PIWIL2: variants seen among roughly 807,000 people sequenced by gnomAD.
PIWIL2 encodes piwi-like protein 2.
PIWIL2 carries 81 observed loss-of-function variants against 116.5 expected under a neutral mutation model. The observed-to-expected ratio is 0.70, with a 90% CI of 0.58 to 0.84. The LOEUF (loss-of-function observed/expected upper bound fraction) is 0.84. Ranked by LOEUF, PIWIL2 falls within the 40% of genes least tolerant of loss-of-function variation. PIWIL2 has a pLI of 0.00. For synonymous variants in PIWIL2, 489 were observed against 429.5 expected, an observed-to-expected ratio of 1.14 and a Z score of -1.71; for missense variants, 1,272 against 1,212.3, an observed-to-expected ratio of 1.05 and a Z score of -0.73.
chr8:22,342,588 G>A (rs761253117), intron 20 of PIWIL2, among the ~76,000 whole-genome samples: 61 of 152,312 alleles, frequency 4.0e-4, no homozygotes, highest in African/African-American at 7.0e-4. Flanking sequence ...AAAACTCTAT[G>A]CATAGACCAT....
intron 14 of PIWIL2, 138 bp from the exon 15 acceptor site, chr8:22,309,823 T>C (rs1232520911): frequency 9.0e-6 from 5 of 552,652 alleles, no homozygotes; most frequent in South Asian, 5.9e-5. Context: ...AGAAGCTTTA[T>C]TATTCTGCTA....
rs560604300 is a variant in PIWIL2, at chr8:22,283,107, G to T, written c.499G>T (p.Val167Leu). The T allele has an allele frequency of 3.7e-6, 6 of 1,614,152 alleles. No individual in the cohort carries two copies. The South Asian group carries it at 6.6e-5, about 18-fold the overall frequency. ...AGCAGCAGGTGGTATCAGCAGAGAA[G>T]TGGACAAGCCTCCCTGTACCTTCAG... ...GRAAGGISRE[V>L]DKPPCTFSTP... Residue 167 changes from valine (V) to leucine (L), a missense_variant, in exon 5 of 23, where the codon GTG (valine) becomes TTG (leucine). By Grantham distance (32) the Val-to-Leu change is conservative. Coordinates refer to ENST00000356766, the MANE Select transcript of PIWIL2 (RefSeq NM_018068.5).
At chr8:22,277,107 C>T (rs960130665) in intron 1 of PIWIL2, among the ~76,000 whole-genome samples, 3 of 151,902 alleles carry the variant, frequency 2.0e-5, no homozygotes, top group African/African-American at 4.8e-5. Context: ...CTGCAACCTC[C>T]GCCTCCTGGG....
In PIWIL2 at chr8:22,316,377, T is replaced by C. The variant is rs545048173; in HGVS notation, c.2297+44T>C. The C allele has an allele frequency of 3.7e-5, 40 of 1,079,316 alleles. No individual in the cohort carries two copies. In the South Asian group the frequency reaches 4.5e-4, roughly 12 times the overall value. The allele number at this position is 1,079,316 out of a possible 1,614,324, so 66.9% of individuals were successfully genotyped here. ...GCCATCTTGTTTGATTATTTCATTT[T>C]AGTGCCTAATCTTATTATAAATCCA... On this transcript the variant is annotated intron_variant, in intron 19 of 22. Coordinates refer to ENST00000356766, the MANE Select transcript of PIWIL2 (RefSeq NM_018068.5).
At chr8:22,326,190 A>C (rs889464783) in intron 20 of PIWIL2, among the ~76,000 whole-genome samples, 1 of 151,886 alleles carries the variant, frequency 6.6e-6, no homozygotes, top group African/African-American at 2.4e-5. Context: ...TTGGCCATCA[A>C]CATGTCCTGC....
chr8:22,342,838 G>C (rs1832141485), intron 20 of PIWIL2, among the ~76,000 whole-genome samples: 1 of 152,074 alleles, frequency 6.6e-6, no homozygotes, highest in Non-Finnish European at 1.5e-5. Flanking sequence ...TGATTAGGAA[G>C]AAATATTTGC....
At chr8:22,275,569 T>G (rs866452239) in intron 1 of PIWIL2, 171 bp downstream of exon 1, 73 of 152,436 alleles carry the variant, frequency 4.8e-4, no homozygotes, top group African/African-American at 1.7e-3. Context: ...AAGTCGTTAT[T>G]CGAGGCCCGG....
intron 20 of PIWIL2, among the ~76,000 whole-genome samples, chr8:22,325,785 T>C (rs1831711601): frequency 6.6e-6 from 1 of 151,862 alleles, no homozygotes; most frequent in Non-Finnish European, 1.5e-5. Context: ...CGCCCAGCCT[T>C]GTTTTAGTCC....
chr8:22,324,472 C>A (rs1223078796), intron 20 of PIWIL2, among the ~76,000 whole-genome samples: 1 of 152,200 alleles, frequency 6.6e-6, no homozygotes, highest in East Asian at 1.9e-4. Context: ...TCATATAGAG[C>A]AGTGTTACAC....
In PIWIL2 at chr8:22,332,762, A is replaced by G. The variant is rs368727993; in HGVS notation, c.2403+14487A>G. 2.6e-5 allele frequency among the ~76,000 whole-genome samples: 4 copies of G among 152,264 alleles called. No homozygotes were observed. The South Asian group carries it at 8.3e-4, about 32-fold the overall frequency. On this transcript the variant is annotated intron_variant, in intron 20 of 22. Transcript: ENST00000356766. ...CACTGAAAATAACTTTCACTAGTGA[A>G]GGTGAAAAAAGACATTGCATGGCAA... is the stretch of plus-strand genomic sequence containing the variant.
chr8:22,323,895 A>AG (rs1831664829), intron 20 of PIWIL2, among the ~76,000 whole-genome samples: 1 of 152,024 alleles, frequency 6.6e-6, no homozygotes, highest in African/African-American at 2.4e-5. Flanking sequence ...TTACCCCTTT[A>AG]GGCATCCCAT....
chr8:22,326,211 TAA>T (rs879742594), intron 20 of PIWIL2, among the ~76,000 whole-genome samples: 4 of 145,178 alleles, frequency 2.8e-5, no homozygotes, highest in Non-Finnish European at 3.0e-5. Context: ...TTGCTTGCTT[TAA>T]AAAAAAAAAA....
intron 20 of PIWIL2, among the ~76,000 whole-genome samples, chr8:22,323,694 A>G (rs1412805785): frequency 6.6e-6 from 1 of 152,240 alleles, no homozygotes; most frequent in East Asian, 1.9e-4. Flanking sequence ...ACAATAGTAG[A>G]TATAACCTGA....
At chr8:22,341,595 C>CAAA (rs34495366) in intron 20 of PIWIL2, among the ~76,000 whole-genome samples, 11 of 99,430 alleles carry the variant, frequency 1.1e-4, no homozygotes, top group African/African-American at 1.5e-4. Context: ...AACTCCGTCT[C>CAAA]AAAAAAAAAA....
intron 20 of PIWIL2, among the ~76,000 whole-genome samples, chr8:22,338,535 G>A (rs191867666): frequency 6.6e-5 from 10 of 151,670 alleles, no homozygotes; most frequent in African/African-American, 2.2e-4. Flanking sequence ...TACTAAAAAC[G>A]CAAAAGAACA....
intron 20 of PIWIL2, among the ~76,000 whole-genome samples, chr8:22,329,021 TC>T (rs1236361638): frequency 2.0e-5 from 3 of 152,230 alleles, no homozygotes; most frequent in Non-Finnish European, 4.4e-5. Context: ...AGTGCTAAAA[TC>T]AGGCATCTTT....
chr8:22,275,351 CCT>C lies in PIWIL2; in HGVS notation c.-93_-92del, dbSNP rs34010761. The C allele has an allele frequency of 0.29, 44,160 of 152,504 alleles. 8,083 individuals are homozygous for C. The highest frequency in any genetic ancestry group is 0.55 in the East Asian group (2,831 of 5,160). The allele number at this position is 152,504 out of a possible 1,614,324, so 9.4% of individuals were successfully genotyped here. A position where few individuals can be genotyped will look rare whatever the true frequency, so the allele number is the denominator to read the frequency against. On this transcript the variant is annotated 5_prime_UTR_variant, in exon 1 of 23. Coordinates refer to ENST00000356766, the MANE Select transcript of PIWIL2 (RefSeq NM_018068.5). ...GGGCGTGGGTTGAGCTCGGTCTTCC[CCT>C]GAGGCCGCGCGGAGCTGGGCGACTG...
rs776364768 is a variant in PIWIL2 at position 22,288,580 on chromosome 8, T to C, written c.900T>C (p.Ala300=). ...AAAGTCAAAGGAAAACAGACAGTGC[T>C]GAAATCAGCATTAAGATTCAGATGA... ...ELKSQRKTDS[A]EISIKIQMTK... Residue 300 remains alanine, a synonymous_variant, in exon 8 of 23, where the codon GCT becomes GCC. Transcript: ENST00000356766. 1.4e-5 allele frequency: 23 copies of C among 1,612,652 alleles called. No homozygotes were observed. The highest frequency in any genetic ancestry group is 2.2e-5 in the East Asian group (1 of 44,890).
chr8:22,304,238 C>A (rs747119854), intron 11 of PIWIL2, 29 bp downstream of exon 11: 1 of 1,529,436 alleles, frequency 6.5e-7, no homozygotes, highest in East Asian at 2.3e-5. Context: ...GTTTGGGCCT[C>A]AGGGTGGGGG....
Sources: gnomAD v4.1 joint callset for allele counts (sites outside exome capture counted in the v4.1 genomes callset) on GRCh38, gnomAD v4.1.1 for gene constraint, MANE v1.5 for transcripts, NCBI Gene and HGNC (gene_info 2026-07-23, HGNC 2026-07-21) for gene names.